The following LRRTM1 variants were observed in gnomAD, a reference collection of about 807,000 sequenced individuals.
The protein encoded by LRRTM1 is leucine rich repeat transmembrane neuronal 1.
Under a neutral mutation model 37.3 loss-of-function variants are expected in LRRTM1, and 8 were observed. The observed-to-expected ratio is 0.21, with a 90% confidence interval of 0.13 to 0.39. The LOEUF is 0.39. LRRTM1 is among the 10% of genes least tolerant of loss of function. The probability of loss-of-function intolerance (pLI) is 1.00; values close to 1 mark genes in which losing one functional copy is unlikely to be tolerated. For synonymous variants in LRRTM1, 326 were observed against 316.8 expected, an observed-to-expected ratio of 1.03 and a Z score of -0.31; for missense variants, 557 against 691.0, an observed-to-expected ratio of 0.81 and a Z score of 2.17.
rs774297769 is a variant in LRRTM1, at chr2:80,302,493, C to T, written c.1327G>A (p.Val443Ile). 1 of 1,613,822 alleles carries T rather than the reference C, an allele frequency of 6.2e-7. No homozygotes were observed. The highest frequency in any genetic ancestry group is 1.3e-5 in the African/African-American group (1 of 75,070). ...MALIFSFLIV[V>I]LVLYVSWKCF... ...TTCCAGGACACGTAGAGCACCAGGA[C>T]CACGATGAGGAAGGAGAAGATGAGG... Residue 443 changes from valine (V) to isoleucine (I), a missense_variant, in exon 2 of 2, where the codon GTC becomes ATC. Physicochemically the swap from Val to Ile is conservative, Grantham distance 29. This residue lies in a region of LRRTM1 where 90 missense variants were observed against 149.4 expected (regional missense o/e 0.60). Coordinates refer to ENST00000295057, the MANE Select transcript of LRRTM1 (RefSeq NM_178839.5). The surrounding 1 kb of genome is among the most constrained non-coding windows in gnomAD (Gnocchi z 6.4).
intron 2 of LRRTM1, among the ~76,000 whole-genome samples, chr2:80,294,523 C>A (rs1675564567): frequency 6.6e-6 from 1 of 152,032 alleles, no homozygotes; most frequent in African/African-American, 2.4e-5. Context: ...TAAAGAGCTG[C>A]AGTCAGACTT....
chr2:80,295,876 T>A (rs2149190601), intron 2 of LRRTM1, among the ~76,000 whole-genome samples: 2 of 152,322 alleles, frequency 1.3e-5, no homozygotes, highest in Admixed American at 1.3e-4. Context: ...TTCCTTATAA[T>A]TTCATCTGCC....
At chr2:80,301,600 A>G (rs1676313148), downstream of LRRTM1, among the ~76,000 whole-genome samples, 1 of 152,216 alleles carries the variant, frequency 6.6e-6, no homozygotes, top group African/African-American at 2.4e-5. Flanking sequence ...AGTTGCCTGA[A>G]GGTGGTTAGA....
chr2:80,298,337 C>T (rs759964045), downstream of LRRTM1: 3 of 152,124 alleles, frequency 2.0e-5, no homozygotes, highest in Non-Finnish European at 4.4e-5. Flanking sequence ...ATTTTGACTA[C>T]CCTGAAACAT....
Position 80,304,507 on chromosome 2 carries a change from C to T in LRRTM1, c.-415G>A, listed in dbSNP as rs1046438476. 1.3e-5 allele frequency: 2 copies of T among 153,378 alleles called. No homozygotes were observed. The highest frequency in any genetic ancestry group is 2.9e-5 in the Non-Finnish European group (2 of 68,116). The allele number at this position is 153,378 out of a possible 1,614,324, so 9.5% of individuals were successfully genotyped here. On this transcript the variant is annotated 5_prime_UTR_variant, in exon 1 of 2. Transcript: ENST00000295057. ...CAGGATCTGACAGTCTGGTTAATGTCCGTCATTGGAAACGACCACTGACCG... is the reference window on the plus strand; with the variant it reads ...CAGGATCTGACAGTCTGGTTAATGTTCGTCATTGGAAACGACCACTGACCG...
At chr2:80,289,387 T>A (rs1481769556) in intron 2 of LRRTM1, among the ~76,000 whole-genome samples, 1 of 152,204 alleles carries the variant, frequency 6.6e-6, no homozygotes, top group African/African-American at 2.4e-5. Context: ...CTTGCCCTAC[T>A]AATCTCTACC....
chr2:80,300,077 A>G (rs1183662287), downstream of LRRTM1, among the ~76,000 whole-genome samples: 1 of 152,136 alleles, frequency 6.6e-6, no homozygotes, highest in African/African-American at 2.4e-5. Flanking sequence ...TTGGAGTGGT[A>G]TGCTATTTAG....
chr2:80,295,735 A>G (rs965184464), intron 2 of LRRTM1, among the ~76,000 whole-genome samples: 1 of 152,214 alleles, frequency 6.6e-6, no homozygotes, highest in Non-Finnish European at 1.5e-5. Context: ...TGACAGTACT[A>G]TGTCTAAAGA....
rs1259816438 is a variant in LRRTM1, at chr2:80,302,359, T to C, written c.1461A>G (p.Glu487=). The change falls in exon 2 of 2, where the codon GAA becomes GAG. Residue 487 remains glutamate, a synonymous_variant. Coordinates refer to ENST00000295057, the MANE Select transcript of LRRTM1 (RefSeq NM_178839.5). This position sits in a 1 kb window ranked among gnomAD's most constrained non-coding sequence, Gnocchi z 6.4. ...MHQMAAMSAQ[E]YYVDYKPNHI... ...GGTTCGGTTTGTAATCAACGTAGTA[T>C]TCCTGGGCAGACATGGCAGCCATCT... The C allele has an allele frequency of 1.9e-6, 3 of 1,614,122 alleles. No homozygotes were observed. The highest frequency in any genetic ancestry group is 8.5e-7 in the Non-Finnish European group (1 of 1,180,044).
chr2:80,290,408 G>C (rs993441643), intron 2 of LRRTM1, among the ~76,000 whole-genome samples: 1 of 151,900 alleles, frequency 6.6e-6, no homozygotes, highest in African/African-American at 2.4e-5. Flanking sequence ...AGTGATTACC[G>C]TGGGTAAGAA....
chr2:80,290,996 T>G lies in LRRTM1; in HGVS notation c.*307-1801A>C, dbSNP rs899123332. Among the ~76,000 whole-genome samples, 10 of 152,322 alleles carry G rather than the reference T, an allele frequency of 6.6e-5. No homozygotes were observed. In the South Asian group the frequency reaches 2.1e-3, roughly 32 times the overall value. Reference sequence around the variant, plus strand: ...TTGAGGTTTCACTATGGCCAAAGCATTGCCAATATTTCTGTCCAAAGCTGG... The same window carrying G: ...TTGAGGTTTCACTATGGCCAAAGCAGTGCCAATATTTCTGTCCAAAGCTGG... On this transcript the variant is annotated intron_variant and NMD_transcript_variant, in intron 2 of 2. Transcript: ENST00000417012.
chr2:80,298,157 A>C (rs1469998711), downstream of LRRTM1: 1 of 151,998 alleles, frequency 6.6e-6, no homozygotes, highest in African/African-American at 2.4e-5. Flanking sequence ...TTTAATGGTC[A>C]TATTCTAGCT....
downstream of LRRTM1, chr2:80,298,263 T>A (rs1675938220): frequency 6.6e-6 from 1 of 152,308 alleles, no homozygotes; most frequent in African/African-American, 2.4e-5. Flanking sequence ...TATTTGACAT[T>A]CTGTCAATGG....
Position 80,303,767 on chromosome 2 carries a change from G to T in LRRTM1, c.53C>A (p.Ser18Ter). 1 of 1,570,216 alleles carries T rather than the reference G, an allele frequency of 6.4e-7. No individual in the cohort carries two copies. The highest frequency in any genetic ancestry group is 8.6e-7 in the Non-Finnish European group (1 of 1,159,332). Residue 18 changes from serine (S) to a stop codon, truncating the protein, a stop_gained, in exon 2 of 2, where the codon TCG becomes TAG. Coordinates refer to ENST00000295057, the MANE Select transcript of LRRTM1 (RefSeq NM_178839.5). LOFTEE classifies it high-confidence loss of function. This position sits in a 1 kb window ranked among gnomAD's most constrained non-coding sequence, Gnocchi z 7.7. Reference protein sequence around the residue: ...LCLYWLLRRPSGVVLCLLGAC... With the variant: ...LCLYWLLRRP ...CCCCAGCAGACACAAGACCACCCCC[G>T]AGGGCCTCCTCAGCAGCCAGTATAG...
intron 2 of LRRTM1, among the ~76,000 whole-genome samples, chr2:80,294,431 C>G (rs1213538271): frequency 6.6e-6 from 1 of 151,942 alleles, no homozygotes; most frequent in South Asian, 2.1e-4. Flanking sequence ...GCCATGTAGC[C>G]CACGTAACCT....
intron 2 of LRRTM1, among the ~76,000 whole-genome samples, chr2:80,289,709 G>T (rs1675072374): frequency 6.6e-6 from 1 of 152,112 alleles, no homozygotes; most frequent in Non-Finnish European, 1.5e-5. Context: ...TACAGGTGTG[G>T]ACACCCAGGT....
intron 1 of LRRTM1, 82 bp downstream of exon 1, chr2:80,304,070 C>T: frequency 2.4e-6 from 1 of 416,382 alleles, no homozygotes; most frequent in South Asian, 1.1e-4. Context: ...GTGATTTGGT[C>T]CATGTTAGAT....
At position 80,304,557 on chromosome 2, in the gene LRRTM1, C is replaced by G. The variant is rs1676717808; in HGVS notation, c.-465G>C. 6.5e-6 allele frequency: 1 copy of G among 153,148 alleles called. No homozygotes were observed. The highest frequency in any genetic ancestry group is 1.8e-4 in the South Asian group (1 of 5,680). 9.5% of individuals were successfully genotyped at this position (153,148 alleles called of 1,614,324 possible). Reference sequence around the variant, plus strand: ...GGCGCCACCTTTTACTCCGCGGAAACAGCCTGCCATTCGCGCCCCGGGCAG... The same window carrying G: ...GGCGCCACCTTTTACTCCGCGGAAAGAGCCTGCCATTCGCGCCCCGGGCAG... On this transcript the variant is annotated 5_prime_UTR_variant, in exon 1 of 2. Coordinates refer to ENST00000295057, the MANE Select transcript of LRRTM1 (RefSeq NM_178839.5).
rs760404623 is a variant in LRRTM1, at chr2:80,302,902, C to T, written c.918G>A (p.Leu306=). Residue 306 remains leucine, a synonymous_variant, in exon 2 of 2, where the codon CTG becomes CTA. Coordinates refer to ENST00000295057, the MANE Select transcript of LRRTM1 (RefSeq NM_178839.5). This position sits in a 1 kb window ranked among gnomAD's most constrained non-coding sequence, Gnocchi z 6.4. ...GGTTCCCGGCCAGGGTGATGCTTGT[C>T]AGGGACTTCCAAGAGTTGAGGATCC... ...EPRILNSWKS[L]TSITLAGNLW... is the part of the protein sequence containing the mutation. 6.2e-7 allele frequency: 1 copy of T among 1,614,118 alleles called. No homozygotes were observed. Among genetic ancestry groups the T allele is most frequent in the South Asian group, 1.1e-5 (1 of 91,076 alleles).
Sources: gnomAD v4.1 joint callset for allele counts (sites outside exome capture counted in the v4.1 genomes callset) on GRCh38, gnomAD v4.1.1 for gene constraint, gnomAD v4.1.1 regional missense constraint, Gnocchi (gnomAD v3.1) non-coding constraint, MANE v1.5 for transcripts, NCBI Gene and HGNC (gene_info 2026-07-23, HGNC 2026-07-21) for gene names.